The following CD99L2 variants were observed in gnomAD, a reference collection of about 807,000 sequenced individuals.
The protein encoded by CD99L2 is CD99 antigen-like protein 2.
Under a neutral mutation model 27.3 loss-of-function variants are expected in CD99L2, and 24 were observed. The ratio of observed to expected loss-of-function variants is 0.88; its 90% CI spans 0.64 to 1.24. CD99L2 has a LOEUF of 1.24. Ranked by LOEUF, CD99L2 falls within the 50% of genes most tolerant of loss-of-function variation. The pLI is 0.00. For missense variants in CD99L2, 255 were observed against 221.6 expected (o/e 1.15, Z -0.96); for synonymous variants, 97 against 87.9 (o/e 1.10, Z -0.58).
Position 150,771,913 on chromosome X carries a change from G to C in CD99L2, c.656-1544C>G, listed in dbSNP as rs1370795404. Reference sequence around the variant, plus strand: ...CTTTCCACACTGAGGGCAAAGGCAAGGGAAGCCAAGGGTCCCCAGCATGGG... The same window carrying C: ...CTTTCCACACTGAGGGCAAAGGCAACGGAAGCCAAGGGTCCCCAGCATGGG... On this transcript the variant is annotated intron_variant, in intron 9 of 10. Transcript: ENST00000370377. The C allele has an allele frequency of 8.0e-5, 78 of 975,939 alleles. 1 individual carries two copies. The highest frequency in any genetic ancestry group is 1.1e-4 in the Non-Finnish European group (76 of 713,090). The allele number at this position is 975,939 out of a possible 1,213,427, so 80.4% of individuals were successfully genotyped here.
At chrX:150,782,569 A>T (rs1028638703) in intron 7 of CD99L2, among the ~76,000 whole-genome samples, 2 of 112,369 alleles carry the variant, frequency 1.8e-5, no homozygotes, top group East Asian at 5.6e-4. Flanking sequence ...CCGTGTTCCC[A>T]GGTACGTGTT....
At chrX:150,889,715 A>AT (rs2047471847) in intron 1 of CD99L2, among the ~76,000 whole-genome samples, 2 of 112,750 alleles carry the variant, frequency 1.8e-5, no homozygotes, top group African/African-American at 6.4e-5. Flanking sequence ...GTTTTCAAAG[A>AT]TATTTCTGCT....
At chrX:150,859,342 T>C (rs139127706) in intron 1 of CD99L2, among the ~76,000 whole-genome samples, 6,351 of 110,083 alleles carry the variant, frequency 0.058, 154 homozygotes, top group South Asian at 0.14. Context: ...CTACTAAAAA[T>C]ATAAAAATTA....
rs1387694729 is a variant in CD99L2 at position 150,888,772 on chromosome X, TC to T, written c.67+9749del. ...AACCAGAGAGGCCACATTTGGGTGT[TC>T]CAGTGGACAGCCCCAGCTAAGCCCA... On this transcript the variant is annotated intron_variant, in intron 1 of 10. Coordinates refer to ENST00000370377, the MANE Select transcript of CD99L2 (RefSeq NM_031462.4). 2.7e-5 allele frequency among the ~76,000 whole-genome samples: 3 copies of T among 111,701 alleles called. No individual in the cohort carries two copies. In the East Asian group the frequency reaches 8.5e-4, roughly 31 times the overall value.
At chrX:150,823,099 T>C (rs2046265200) in intron 2 of CD99L2, among the ~76,000 whole-genome samples, 1 of 112,198 alleles carries the variant, frequency 8.9e-6, no homozygotes, top group African/African-American at 3.2e-5. Context: ...TGATTGTAAG[T>C]TTCCTGAGGC....
chrX:150,808,307 T>C (rs574482854), intron 4 of CD99L2, among the ~76,000 whole-genome samples: 78 of 112,482 alleles, frequency 6.9e-4, no homozygotes, highest in Non-Finnish European at 1.2e-3. Flanking sequence ...CTGGGCTCCA[T>C]AGATTATGAA....
chrX:150,897,524 A>C (rs1372963004), intron 1 of CD99L2, among the ~76,000 whole-genome samples: 2 of 91,946 alleles, frequency 2.2e-5, no homozygotes, highest in Non-Finnish European at 4.4e-5. Flanking sequence ...GTACTAGGAC[A>C]AAGTGTGTGT....
intron 1 of CD99L2, among the ~76,000 whole-genome samples, chrX:150,894,161 T>C (rs1324629277): frequency 1.8e-5 from 2 of 112,053 alleles, no homozygotes; most frequent in African/African-American, 3.2e-5. Flanking sequence ...CCCATCCCCC[T>C]TCATCCCAGC....
chrX:150,793,152 G>A (rs1557419759), intron 7 of CD99L2, among the ~76,000 whole-genome samples: 1 of 112,507 alleles, frequency 8.9e-6, no homozygotes, highest in African/African-American at 3.2e-5. Context: ...TGACTTCCTG[G>A]TTTTGACAAT....
In CD99L2 at chrX:150,866,222, A is replaced by AC. The variant is rs782033708; in HGVS notation, c.67+32299dup. On this transcript the variant is annotated intron_variant, in intron 1 of 10. Coordinates refer to ENST00000370377, the MANE Select transcript of CD99L2 (RefSeq NM_031462.4). Reference sequence around the variant, plus strand: ...GGGAACTGTGCTCTTGGAATTCTTGACCATTCAGCCCAGCAATTCTCAGAT... The same window carrying AC: ...GGGAACTGTGCTCTTGGAATTCTTGACCCATTCAGCCCAGCAATTCTCAGAT... 5.1e-3 allele frequency among the ~76,000 whole-genome samples: 570 copies of AC among 111,818 alleles called. 7 individuals carry two copies. The highest frequency in any genetic ancestry group is 0.014 in the Middle Eastern group (3 of 217).
chrX:150,876,045 T>C (rs781904739), intron 1 of CD99L2, among the ~76,000 whole-genome samples: 2 of 112,701 alleles, frequency 1.8e-5, no homozygotes, highest in East Asian at 2.8e-4. Flanking sequence ...CAGGTTGTTG[T>C]GGTGTCAATA....
At chrX:150,788,437 C>T (rs2045633948) in intron 7 of CD99L2, among the ~76,000 whole-genome samples, 1 of 111,239 alleles carries the variant, frequency 9.0e-6, no homozygotes, top group Non-Finnish European at 1.9e-5. Context: ...GCAAAGATAC[C>T]AGTTAAGCGG....
At position 150,777,299 on chromosome X, in the gene CD99L2, C is replaced by G; in HGVS notation, c.535+145G>C. ...CGTGCAGCTTTTTCCATCTTTGCAG[C>G]TATCTTATTTAGGAGTAGAATGGGA... is the stretch of plus-strand genomic sequence containing the variant. On this transcript the variant is annotated intron_variant, in intron 8 of 10. Coordinates refer to ENST00000370377, the MANE Select transcript of CD99L2 (RefSeq NM_031462.4). 1.0e-5 allele frequency: 7 copies of G among 684,550 alleles called. 1 individual carries two copies. The South Asian group carries it at 1.8e-4, about 17-fold the overall frequency. The allele number at this position is 684,550 out of a possible 1,213,427, so 56.4% of individuals were successfully genotyped here.
chrX:150,797,991 G>A lies in CD99L2; in HGVS notation c.278-2505C>T, dbSNP rs1357666944. Among the ~76,000 whole-genome samples the A allele has an allele frequency of 4.9e-5, 5 of 101,097 alleles. No individual in the cohort carries two copies. In the East Asian group the frequency reaches 1.5e-3, roughly 31 times the overall value. 87.8% of individuals were successfully genotyped at this position (101,097 alleles called of 115,157 possible). A position where few individuals can be genotyped will look rare whatever the true frequency, so the allele number is the denominator to read the frequency against. On this transcript the variant is annotated intron_variant, in intron 4 of 10. Coordinates refer to ENST00000370377, the MANE Select transcript of CD99L2 (RefSeq NM_031462.4). ...GCCCAGGTGGAGGCTGCAGTGAGCC[G>A]TGACCACACCACTGTACTCCAGCAT...
chrX:150,770,481 C>G, intron 9 of CD99L2, 112 bp from the exon 10 acceptor site: 2 of 643,775 alleles, frequency 3.1e-6, no homozygotes, highest in East Asian at 3.4e-5. Flanking sequence ...GCACAGCTCC[C>G]CTGGGGAACT....
chrX:150,834,290 G>A (rs1024704437), intron 1 of CD99L2, among the ~76,000 whole-genome samples: 9 of 111,675 alleles, frequency 8.1e-5, no homozygotes, highest in African/African-American at 2.9e-4. Context: ...TCAAGAGATT[G>A]AGACCATCCT....
chrX:150,890,345 G>A (rs2047490741), intron 1 of CD99L2, among the ~76,000 whole-genome samples: 1 of 108,856 alleles, frequency 9.2e-6, no homozygotes, highest in African/African-American at 3.3e-5. Context: ...TGGGCGAGGT[G>A]GCAGGCGCCT....
In CD99L2 at chrX:150,771,686, C is replaced by T. The variant is rs782303993; in HGVS notation, c.656-1317G>A. The stretch of plus-strand genomic sequence containing the variant: ...AAGATGGTCCTGGTTACAGCCACGT[C>T]GGTGAGTGCCAGGGAAGCAGGAGGG... On this transcript the variant is annotated intron_variant, in intron 9 of 10. Coordinates refer to ENST00000370377, the MANE Select transcript of CD99L2 (RefSeq NM_031462.4). 8 of 826,433 alleles carry T rather than the reference C, an allele frequency of 9.7e-6. No homozygotes were observed. The African/African-American group carries it at 1.0e-4, about 10-fold the overall frequency. The allele number at this position is 826,433 out of a possible 1,213,427, so 68.1% of individuals were successfully genotyped here.
At position 150,769,680 on chromosome X, in the gene CD99L2, C is replaced by A. The variant is rs782100502; in HGVS notation, c.722-579G>T. ...TGAGCTGTCCTAGTCTCCCTGCCTG[C>A]GCCACCAGGCCTCGGCTGCTCCCCG... On this transcript the variant is annotated intron_variant, in intron 10 of 10. Transcript: ENST00000370377. Among the ~76,000 whole-genome samples, 93 of 86,570 alleles carry A rather than the reference C, an allele frequency of 1.1e-3. 5 individuals are homozygous for A. The East Asian group carries it at 0.033, about 30-fold the overall frequency. 75.2% of individuals were successfully genotyped at this position (86,570 alleles called of 115,157 possible). A position where few individuals can be genotyped will look rare whatever the true frequency, so the allele number is the denominator to read the frequency against.
Sources: gnomAD v4.1 joint callset for allele counts (sites outside exome capture counted in the v4.1 genomes callset) on GRCh38, gnomAD v4.1.1 for gene constraint, MANE v1.5 for transcripts, NCBI Gene and HGNC (gene_info 2026-07-23, HGNC 2026-07-21) for gene names.